The following RALYL variants were observed in gnomAD, a reference collection of about 807,000 sequenced individuals.
The protein encoded by RALYL is RNA-binding Raly-like protein.
In RALYL, 29 loss-of-function variants were observed where a neutral mutation model predicts 35.1. The observed-to-expected ratio is 0.83, with a 90% CI of 0.61 to 1.13. RALYL has a LOEUF of 1.13. RALYL is among the 50% of genes most tolerant of loss of function. The probability of loss-of-function intolerance (pLI) is 0.00; values close to 1 mark genes in which losing one functional copy is unlikely to be tolerated. For synonymous variants in RALYL, 120 were observed against 127.6 expected, an observed-to-expected ratio of 0.94 and a Z score of 0.40; for missense variants, 359 against 360.4, an observed-to-expected ratio of 1.00 and a Z score of 0.03.
At chr8:84,786,991 A>G (rs1374528062) in intron 3 of RALYL, among the ~76,000 whole-genome samples, 1 of 152,198 alleles carries the variant, frequency 6.6e-6, no homozygotes, top group Non-Finnish European at 1.5e-5. Context: ...TGGTGGGAAT[A>G]TAGATAAATT....
At chr8:84,226,808 T>C (rs746094798) in intron 1 of RALYL, among the ~76,000 whole-genome samples, 6 of 152,140 alleles carry the variant, frequency 3.9e-5, no homozygotes, top group Non-Finnish European at 8.8e-5. Context: ...AAAAATCCAG[T>C]TGGATTGTGA....
chr8:84,307,908 T>G (rs770622283), intron 1 of RALYL, among the ~76,000 whole-genome samples: 6 of 152,108 alleles, frequency 3.9e-5, no homozygotes, highest in Non-Finnish European at 7.4e-5. Flanking sequence ...TCACCAAAGC[T>G]GTAATTTCAG....
At chr8:84,504,914 G>T (rs547707553) in intron 1 of RALYL, among the ~76,000 whole-genome samples, 2 of 152,088 alleles carry the variant, frequency 1.3e-5, no homozygotes, top group African/African-American at 2.4e-5. Context: ...GATTGAAAAA[G>T]CTCAATTATT....
At chr8:84,912,555 G>A (rs898646398) in intron 8 of RALYL, among the ~76,000 whole-genome samples, 16 of 152,002 alleles carry the variant, frequency 1.1e-4, no homozygotes, top group African/African-American at 2.9e-4. Context: ...TTCACTTGCT[G>A]ATATTGTTAG....
intron 1 of RALYL, among the ~76,000 whole-genome samples, chr8:84,373,953 T>G (rs1054374928): frequency 3.3e-5 from 5 of 152,046 alleles, no homozygotes; most frequent in Non-Finnish European, 2.9e-5. Flanking sequence ...CTAGCTGTTT[T>G]ATTCTTTTTG....
Position 84,772,976 on chromosome 8 carries a change from A to T in RALYL, c.257-1603A>T, listed in dbSNP as rs561697628. Among the ~76,000 whole-genome samples, 10 of 152,180 alleles carry T rather than the reference A, an allele frequency of 6.6e-5. No homozygotes were observed. The South Asian group carries it at 1.9e-3, about 28-fold the overall frequency. The stretch of plus-strand genomic sequence containing the variant: ...ATAATGTTTAATATAGATTTTTGTA[A>T]ATCTTCTTTATTAAGTAAGGAATTT... On this transcript the variant is annotated intron_variant, in intron 2 of 8. Transcript: ENST00000521268.
intron 1 of RALYL, among the ~76,000 whole-genome samples, chr8:84,372,917 C>CTTTTTTTTTTTTTTTTTTTT (rs1856174202): frequency 2.5e-3 from 124 of 49,038 alleles, no homozygotes; most frequent in Middle Eastern, 0.012. Context: ...TTTTTTTTTA[C>CTTTTTTTTTTTTTTTTTTTT]TTTTTAATAA....
rs1044157740 is a variant in RALYL, at chr8:84,871,003, C to A, written c.572-2281C>A. 7.9e-5 allele frequency among the ~76,000 whole-genome samples: 12 copies of A among 152,286 alleles called. No individual in the cohort carries two copies. The South Asian group carries it at 2.5e-3, about 32-fold the overall frequency. On this transcript the variant is annotated intron_variant, in intron 6 of 8. Transcript: ENST00000521268. Reference sequence around the variant, plus strand: ...ACCTAGATGAGCATTTGCTGCCCCCCCATTCTAAGAGGGAACTGAGCAGCC... The same window carrying A: ...ACCTAGATGAGCATTTGCTGCCCCCACATTCTAAGAGGGAACTGAGCAGCC...
At chr8:84,646,033 A>G (rs1455578452) in intron 2 of RALYL, among the ~76,000 whole-genome samples, 1 of 151,906 alleles carries the variant, frequency 6.6e-6, no homozygotes, top group East Asian at 1.9e-4. Context: ...TTTTCTGGAA[A>G]GTTTCCTTGA....
At chr8:84,224,469 T>G (rs1823335893) in intron 1 of RALYL, among the ~76,000 whole-genome samples, 1 of 151,866 alleles carries the variant, frequency 6.6e-6, no homozygotes, top group African/African-American at 2.4e-5. Context: ...GTATGAAAAA[T>G]AAAGGGTTTA....
intron 2 of RALYL, among the ~76,000 whole-genome samples, chr8:84,672,094 C>A (rs183627823): frequency 6.6e-6 from 1 of 152,176 alleles, no homozygotes; most frequent in Non-Finnish European, 1.5e-5. Flanking sequence ...TACTTTTCTG[C>A]GTAGAAATTT....
At chr8:84,425,415 C>T (rs535361750) in intron 1 of RALYL, among the ~76,000 whole-genome samples, 66 of 152,278 alleles carry the variant, frequency 4.3e-4, no homozygotes, top group South Asian at 2.1e-3. Context: ...GGCTCGCGCA[C>T]GGTGCGCTCA....
At chr8:84,914,496 G>A (rs903746389) in intron 8 of RALYL, among the ~76,000 whole-genome samples, 3 of 151,930 alleles carry the variant, frequency 2.0e-5, no homozygotes, top group African/African-American at 7.2e-5. Flanking sequence ...TCTTCAGAAA[G>A]TATCAGAGTA....
intron 3 of RALYL, among the ~76,000 whole-genome samples, chr8:84,785,757 G>T (rs1819291979): frequency 6.6e-6 from 1 of 152,056 alleles, no homozygotes; most frequent in Non-Finnish European, 1.5e-5. Flanking sequence ...AATGGGTATG[G>T]TGCACCTATT....
chr8:84,545,759 T>G (rs1307609127), intron 2 of RALYL, among the ~76,000 whole-genome samples: 1 of 152,210 alleles, frequency 6.6e-6, no homozygotes, highest in East Asian at 1.9e-4. Flanking sequence ...TGAATGCTAC[T>G]GAGCTTTGGG....
intron 2 of RALYL, among the ~76,000 whole-genome samples, chr8:84,568,552 T>C (rs1466296916): frequency 3.5e-4 from 18 of 51,070 alleles, no homozygotes; most frequent in Non-Finnish European, 5.8e-4. Flanking sequence ...TATAATCCTT[T>C]GGGTATATAC....
intron 2 of RALYL, among the ~76,000 whole-genome samples, chr8:84,771,061 T>C (rs932862467): frequency 6.6e-6 from 1 of 152,138 alleles, no homozygotes; most frequent in East Asian, 1.9e-4. Flanking sequence ...TTATCCCATG[T>C]ATTTTTCTTT....
intron 2 of RALYL, among the ~76,000 whole-genome samples, chr8:84,676,196 T>C (rs1302762287): frequency 6.6e-6 from 1 of 152,208 alleles, no homozygotes; most frequent in African/African-American, 2.4e-5. Context: ...TTTTTTCTGA[T>C]CCAAGTAATT....
Position 84,403,522 on chromosome 8 carries a change from C to CTTTTTTTTTTTTTTTTTTTTT in RALYL, c.-23-125776_-23-125775insTTTTTTTTTTTTTTTTTTTTT, listed in dbSNP as rs2043136000. On this transcript the variant is annotated intron_variant, in intron 1 of 8. Coordinates refer to ENST00000521268, the MANE Select transcript of RALYL (RefSeq NM_173848.7). ...TGTTCTGTTCCATTGGTCTATATCT[C>CTTTTTTTTTTTTTTTTTTTTT]TGTTTTTTTTTTTTTTTTTTTTTTT... 7.7e-5 allele frequency among the ~76,000 whole-genome samples: 4 copies of CTTTTTTTTTTTTTTTTTTTTT among 52,118 alleles called. 1 individual carries two copies. The highest frequency in any genetic ancestry group is 4.3e-4 in the Admixed American group (2 of 4,664). The allele number at this position is 52,118 out of a possible 152,430, so 34.2% of individuals were successfully genotyped here.
Sources: allele counts gnomAD v4.1 joint callset (sites outside exome capture counted in the v4.1 genomes callset), GRCh38; gene constraint gnomAD v4.1.1; transcripts MANE v1.5; gene names NCBI Gene and HGNC (gene_info 2026-07-23, HGNC 2026-07-21).